The following PADI6 variants were observed in gnomAD, a reference collection of about 807,000 sequenced individuals.
PADI6 encodes peptidyl arginine deiminase 6.
A neutral mutation model predicts 78.2 loss-of-function variants in PADI6; 66 were observed. That is an observed-to-expected ratio of 0.84 (90% CI 0.69 to 1.04). PADI6 has a LOEUF of 1.04. Ranked by LOEUF, PADI6 falls within the 50% of genes least tolerant of loss-of-function variation. PADI6 has a pLI of 0.00. For synonymous variants in PADI6, 397 were observed against 346.9 expected (o/e 1.14, Z -1.60); for missense variants, 854 against 866.1 (o/e 0.99, Z 0.18).
intron 8 of PADI6, among the ~76,000 whole-genome samples, chr1:17,390,606 A>T (rs2075172564): frequency 6.6e-6 from 1 of 151,728 alleles, no homozygotes. Flanking sequence ...CCATCTCAAA[A>T]AAAAAAAAAG....
At chr1:17,376,830 C>T (rs547229725) in intron 3 of PADI6, among the ~76,000 whole-genome samples, 2 of 152,166 alleles carry the variant, frequency 1.3e-5, no homozygotes, top group Non-Finnish European at 2.9e-5. Context: ...ACATCTACAA[C>T]ACTAAGTTTT....
chr1:17,396,696 GGTAAT>G (rs773513617), intron 13 of PADI6, among the ~76,000 whole-genome samples: 100 of 152,334 alleles, frequency 6.6e-4, no homozygotes, highest in Non-Finnish European at 1.1e-3. Flanking sequence ...GAGGAACAAA[GGTAAT>G]GTAACCTGGA....
intron 6 of PADI6, among the ~76,000 whole-genome samples, chr1:17,382,902 T>C (rs1428155104): frequency 6.6e-6 from 1 of 152,198 alleles, no homozygotes; most frequent in Non-Finnish European, 1.5e-5. Flanking sequence ...GCAGTCCTCC[T>C]ACCTCACACT....
In PADI6 at chr1:17,373,119, G is replaced by T; in HGVS notation, c.180G>T (p.Val60=). ...IHGSGRVLID[V]ANTVISEKED... is the part of the protein sequence containing the mutation. ...GCTCTGGGAGGGTCTTGATCGATGT[G>T]GCCAACACGGTGATTTCTGAGAAGG... Residue 60 remains valine, a synonymous_variant, in exon 2 of 16, where the codon GTG becomes GTT. Transcript: ENST00000619609. 6.2e-7 allele frequency: 1 copy of T among 1,613,988 alleles called. No individual in the cohort carries two copies. The highest frequency in any genetic ancestry group is 8.5e-7 in the Non-Finnish European group (1 of 1,179,868).
chr1:17,399,180 G>A (rs531057409), intron 15 of PADI6, among the ~76,000 whole-genome samples: 71 of 152,308 alleles, frequency 4.7e-4, no homozygotes, highest in African/African-American at 1.6e-3. Context: ...ACCCAGAGTC[G>A]AGGTTGCCGC....
intron 6 of PADI6, among the ~76,000 whole-genome samples, chr1:17,383,986 TAAA>T (rs969545618): frequency 2.0e-5 from 3 of 151,094 alleles, no homozygotes; most frequent in African/African-American, 7.3e-5. Flanking sequence ...ACATCTCTAC[TAAA>T]AAATACAAAA....
At chr1:17,374,341 TC>T (rs1448570609) in intron 2 of PADI6, among the ~76,000 whole-genome samples, 3 of 151,886 alleles carry the variant, frequency 2.0e-5, no homozygotes, top group Non-Finnish European at 4.4e-5. Context: ...ACTGAGTGTC[TC>T]TGGCCAGGTG....
At chr1:17,392,502 C>T (rs2075197168) in intron 9 of PADI6, among the ~76,000 whole-genome samples, 1 of 152,174 alleles carries the variant, frequency 6.6e-6, no homozygotes, top group East Asian at 1.9e-4. Context: ...GGCTCTGATA[C>T]CTTTGGCTAA....
At chr1:17,391,667 G>A (rs553520524) in intron 8 of PADI6, among the ~76,000 whole-genome samples, 1 of 152,324 alleles carries the variant, frequency 6.6e-6, no homozygotes, top group South Asian at 2.1e-4. Flanking sequence ...ATATAAAAAT[G>A]ACAACCATGC....
chr1:17,375,637 A>T (rs1403431589), intron 3 of PADI6, 138 bp downstream of exon 3: 7 of 683,136 alleles, frequency 1.0e-5, no homozygotes, highest in Non-Finnish European at 1.7e-5. Context: ...TCCTGAACAA[A>T]CTCCTAAATG....
At chr1:17,386,434 G>A (rs2075120366) in intron 6 of PADI6, among the ~76,000 whole-genome samples, 1 of 152,226 alleles carries the variant, frequency 6.6e-6, no homozygotes, top group South Asian at 2.1e-4. Context: ...TCACCCTTGG[G>A]TGGAATGGCC....
At chr1:17,380,239 T>TCC (rs919349318) in intron 4 of PADI6, among the ~76,000 whole-genome samples, 5 of 152,232 alleles carry the variant, frequency 3.3e-5, no homozygotes, top group African/African-American at 1.2e-4. Context: ...TGATGGAGTT[T>TCC]CCCTCTGTTA....
chr1:17,399,685 G>GA (rs1159714121), intron 15 of PADI6, among the ~76,000 whole-genome samples: 3 of 150,468 alleles, frequency 2.0e-5, no homozygotes, highest in Admixed American at 6.7e-5. Context: ...TTGAACTCAG[G>GA]AGTTGGAGAG....
Position 17,400,104 on chromosome 1 carries a change from A to T in PADI6, c.1852-1101A>T, listed in dbSNP as rs529353936. ...ATGCCTGTAGTCTCAGCCACTCAGG[A>T]GGCTGAGGCAGGACAATTTCTTGAG... On this transcript the variant is annotated intron_variant, in intron 15 of 15. Transcript: ENST00000619609. Among the ~76,000 whole-genome samples the T allele has an allele frequency of 9.9e-5, 15 of 152,004 alleles. No individual in the cohort carries two copies. In the East Asian group the frequency reaches 2.9e-3, roughly 30 times the overall value.
intron 6 of PADI6, among the ~76,000 whole-genome samples, chr1:17,386,483 G>A (rs2075120875): frequency 6.6e-6 from 1 of 152,220 alleles, no homozygotes; most frequent in African/African-American, 2.4e-5. Flanking sequence ...GCAGGCCCTA[G>A]GTGTGTGGCA....
intron 13 of PADI6, 111 bp from the exon 14 acceptor site, chr1:17,396,960 T>C (rs1193087308): frequency 2.1e-6 from 2 of 964,502 alleles, no homozygotes; most frequent in Middle Eastern, 2.9e-4. Flanking sequence ...CTCGCCATGG[T>C]CACTGGCCCA....
At chr1:17,400,006 G>A (rs1196555075) in intron 15 of PADI6, among the ~76,000 whole-genome samples, 1 of 151,948 alleles carries the variant, frequency 6.6e-6, no homozygotes, top group East Asian at 1.9e-4. Flanking sequence ...CTGGACTCCA[G>A]CCTGGGCAAC....
intron 5 of PADI6, 55 bp from the exon 6 acceptor site, chr1:17,381,912 C>G: frequency 6.2e-7 from 1 of 1,607,432 alleles, no homozygotes; most frequent in Non-Finnish European, 8.5e-7. Context: ...TTCCCTCCAC[C>G]CCCAGAGTGC....
chr1:17,392,050 G>A (rs1485538199), intron 8 of PADI6, 64 bp from the exon 9 acceptor site: 12 of 1,337,694 alleles, frequency 9.0e-6, no homozygotes, highest in African/African-American at 1.5e-5. Flanking sequence ...CTTGGCACAA[G>A]GAGGTCATAA....
Sources: gnomAD v4.1 joint callset for allele counts (sites outside exome capture counted in the v4.1 genomes callset) on GRCh38, gnomAD v4.1.1 for gene constraint, MANE v1.5 for transcripts, NCBI Gene and HGNC (gene_info 2026-07-23, HGNC 2026-07-21) for gene names.